The following SI variants were observed in gnomAD, a reference collection of about 807,000 sequenced individuals.
SI encodes the protein sucrase-isomaltase.
In SI, 235 loss-of-function variants were observed where a neutral mutation model predicts 253.3. The ratio of observed to expected loss-of-function variants is 0.93; its 90% CI spans 0.83 to 1.03. The LOEUF (loss-of-function observed/expected upper bound fraction) is 1.03. Among genes scored for constraint, SI ranks in the 50% least tolerant of loss-of-function variants. The probability of loss-of-function intolerance (pLI) is 0.00; values close to 1 mark genes in which losing one functional copy is unlikely to be tolerated. For missense variants in SI, 2,442 were observed against 2,211.1 expected, an observed-to-expected ratio of 1.10 and a Z score of -2.09; for synonymous variants, 819 against 712.0, an observed-to-expected ratio of 1.15 and a Z score of -2.39.
upstream of SI, among the ~76,000 whole-genome samples, chr3:165,083,446 G>C (rs141891330): frequency 2.0e-5 from 3 of 151,902 alleles, no homozygotes; most frequent in African/African-American, 7.2e-5. Flanking sequence ...AGATAGTGGA[G>C]TAAAAAGTTA....
chr3:165,075,893 ACC>A lies in SI; in HGVS notation c.118_118+1del. 2 of 1,495,778 alleles carry A rather than the reference ACC, an allele frequency of 1.3e-6. No homozygotes were observed. The allele number at this position is 1,495,778 out of a possible 1,614,324, so 92.7% of individuals were successfully genotyped here. ...TAGCCATGCTTTTAATGTACTACTT[ACC>A]ATCAACAGCAGGTGTCTTAGTTGCT... On this transcript the variant is annotated splice_donor_variant and coding_sequence_variant, in exon 2 of 48. Coordinates refer to ENST00000264382, the MANE Select transcript of SI (RefSeq NM_001041.4). LOFTEE classifies it high-confidence loss of function.
chr3:164,999,461 T>C (rs1319741960), intron 37 of SI, among the ~76,000 whole-genome samples: 1 of 151,732 alleles, frequency 6.6e-6, no homozygotes, highest in African/African-American at 2.4e-5. Context: ...CTAATATTAG[T>C]TGGAAATAAA....
chr3:165,047,232 T>C (rs1265486201), intron 15 of SI, among the ~76,000 whole-genome samples: 1 of 151,996 alleles, frequency 6.6e-6, no homozygotes, highest in Non-Finnish European at 1.5e-5. Flanking sequence ...TGCACTGTTC[T>C]TATGATAGTT....
chr3:165,023,710 A>G lies in SI; in HGVS notation c.2959T>C (p.Ser987Pro). Residue 987 changes from serine (S) to proline (P), a missense_variant, in exon 26 of 48, where the codon TCA becomes CCA. Physicochemically the swap from Ser to Pro is moderately conservative, Grantham distance 74. Transcript: ENST00000264382. ...PRQDNSYSVN[S>P]ARYSSMGITA... ...ATACCCATGGATGAATAGCGAGCTG[A>G]GTTGACTGAATAAGAGTTATCTTGT... is the stretch of plus-strand genomic sequence containing the variant. The G allele has an allele frequency of 1.2e-6, 2 of 1,610,892 alleles. No individual in the cohort carries two copies. The highest frequency in any genetic ancestry group is 1.7e-6 in the Non-Finnish European group (2 of 1,177,948).
chr3:164,995,978 A>T (rs915307360), intron 40 of SI, among the ~76,000 whole-genome samples: 5 of 151,800 alleles, frequency 3.3e-5, no homozygotes, highest in African/African-American at 1.2e-4. Context: ...AAATTGCATT[A>T]TTGACAGCAA....
chr3:165,074,686 C>A lies in SI; in HGVS notation c.119-19G>T. 1 of 1,594,446 alleles carries A rather than the reference C, an allele frequency of 6.3e-7. No individual in the cohort carries two copies. Among genetic ancestry groups the A allele is most frequent in the Non-Finnish European group, 8.6e-7 (1 of 1,163,914 alleles). ...CTAATTTCTGGGGGAGGAAAAAACT[C>A]AATAAAATAAAACATGACATTAAAT... On this transcript the variant is annotated intron_variant, in intron 2 of 47. Transcript: ENST00000264382.
chr3:165,048,431 A>G (rs1397504397), intron 15 of SI, among the ~76,000 whole-genome samples: 1 of 151,204 alleles, frequency 6.6e-6, no homozygotes, highest in Non-Finnish European at 1.5e-5. Context: ...TCTTGGGGCA[A>G]TATTTTCCCA....
At chr3:165,033,350 T>C (rs1712349226) in intron 23 of SI, 45 bp downstream of exon 23, 2 of 1,499,798 alleles carry the variant, frequency 1.3e-6, no homozygotes, top group Non-Finnish European at 9.0e-7. Context: ...AACCTAGGCA[T>C]GAACAAATTA....
At chr3:164,995,087 G>A (rs777816422) in intron 40 of SI, among the ~76,000 whole-genome samples, 3 of 151,720 alleles carry the variant, frequency 2.0e-5, no homozygotes, top group Non-Finnish European at 4.4e-5. Context: ...CTGCACCAGG[G>A]GAATAAGCAA....
the SI span, among the ~76,000 whole-genome samples, chr3:165,087,957 G>A: frequency 3.3e-5 from 5 of 152,188 alleles, no homozygotes; most frequent in African/African-American, 1.2e-4. Context: ...ATGCTAACCC[G>A]TGCTTATTTA....
chr3:165,053,631 C>T (rs1713543424), intron 13 of SI, among the ~76,000 whole-genome samples: 1 of 152,040 alleles, frequency 6.6e-6, no homozygotes, highest in Admixed American at 6.6e-5. Context: ...AATACTCTGC[C>T]TTTCTCAGAT....
intron 22 of SI, among the ~76,000 whole-genome samples, chr3:165,034,631 G>T (rs1023966655): frequency 1.3e-5 from 2 of 151,940 alleles, no homozygotes; most frequent in Admixed American, 1.3e-4. Flanking sequence ...CAAGAAGATT[G>T]GTGTGCTAAA....
intron 8 of SI, 66 bp from the exon 9 acceptor site, chr3:165,062,549 G>T (rs1318772283): frequency 1.2e-6 from 1 of 802,050 alleles, no homozygotes; most frequent in Non-Finnish European, 2.2e-6. Flanking sequence ...TAATTGCAAA[G>T]TCCATTTAAA....
At chr3:164,989,393 A>AAAGAAAG (rs1177298809) in intron 44 of SI, among the ~76,000 whole-genome samples, 3 of 137,810 alleles carry the variant, frequency 2.2e-5, no homozygotes, top group Non-Finnish European at 3.2e-5. Context: ...AGAAAGGAAG[A>AAAGAAAG]AAGAAAGAAA....
chr3:165,033,519 A>G, intron 22 of SI, 75 bp from the exon 23 acceptor site: 1 of 1,297,202 alleles, frequency 7.7e-7, no homozygotes, highest in Non-Finnish European at 1.0e-6. Context: ...CTTATACAAC[A>G]CTTAAGAAAT....
At position 164,987,204 on chromosome 3, in the gene SI, T is replaced by C. The variant is rs1270465348; in HGVS notation, c.5131A>G (p.Ile1711Val). The C allele has an allele frequency of 6.2e-7, 1 of 1,613,418 alleles. No homozygotes were observed. The highest frequency in any genetic ancestry group is 8.5e-7 in the Non-Finnish European group (1 of 1,179,636). ...ATCTGATTATCATCTGCAGCAACAA[T>C]GAGCTTCATGTGTTTTTGTCGACTA... is the stretch of plus-strand genomic sequence containing the variant. ...FYSRQKHMKL[I>V]VAADDNQMAQ... is the part of the protein sequence containing the mutation. Residue 1711 changes from isoleucine to valine, a missense_variant, in exon 45 of 48, where the codon ATT becomes GTT. Transcript: ENST00000264382.
intron 26 of SI, among the ~76,000 whole-genome samples, chr3:165,022,201 C>G (rs1320141005): frequency 6.6e-6 from 1 of 151,390 alleles, no homozygotes; most frequent in African/African-American, 2.4e-5. Flanking sequence ...GATGTTTACC[C>G]ATTTTTTTGT....
At chr3:164,992,067 C>G in intron 43 of SI, 110 bp downstream of exon 43, 1 of 906,506 alleles carries the variant, frequency 1.1e-6, no homozygotes, top group East Asian at 2.4e-5. Flanking sequence ...TGTTACTTTC[C>G]ACTCTTTTTA....
At chr3:165,023,011 G>A (rs1050501502) in intron 26 of SI, among the ~76,000 whole-genome samples, 2 of 151,370 alleles carry the variant, frequency 1.3e-5, no homozygotes, top group Non-Finnish European at 3.0e-5. Flanking sequence ...TTGCTAATGA[G>A]ATTTGTTGCC....
Sources: allele counts gnomAD v4.1 joint callset (sites outside exome capture counted in the v4.1 genomes callset), GRCh38; gene constraint gnomAD v4.1.1; transcripts MANE v1.5; gene names NCBI Gene and HGNC (gene_info 2026-07-23, HGNC 2026-07-21).